The following GABRB3 variants were observed in gnomAD, a reference collection of about 807,000 sequenced individuals.
GABRB3 encodes the protein gamma-aminobutyric acid receptor subunit beta-3.
A neutral mutation model predicts 52.1 loss-of-function variants in GABRB3; 14 were observed. The observed-to-expected ratio is 0.27, with a 90% confidence interval of 0.18 to 0.42. The LOEUF is 0.42. Among genes scored for constraint, GABRB3 ranks in the 10% least tolerant of loss-of-function variants. GABRB3 has a pLI of 1.00. For synonymous variants in GABRB3, 260 were observed against 232.3 expected (o/e 1.12, Z -1.08); for missense variants, 307 against 609.1 (o/e 0.50, Z 5.22).
At chr15:26,691,741 T>G (rs896875360) in intron 3 of GABRB3, among the ~76,000 whole-genome samples, 2 of 152,102 alleles carry the variant, frequency 1.3e-5, no homozygotes, top group African/African-American at 4.8e-5. Flanking sequence ...AATTTTTGGG[T>G]CATTTCAAAA....
At chr15:26,566,535 G>C (rs1288671625) in intron 7 of GABRB3, among the ~76,000 whole-genome samples, 1 of 152,118 alleles carries the variant, frequency 6.6e-6, no homozygotes, top group African/African-American at 2.4e-5. Flanking sequence ...AGACCAGTCT[G>C]GGACACATGG....
chr15:26,606,805 T>TATAGATAGATAGATATATTGATAG (rs1555370517), intron 4 of GABRB3, among the ~76,000 whole-genome samples: 1 of 117,950 alleles, frequency 8.5e-6, no homozygotes, highest in African/African-American at 2.8e-5. Flanking sequence ...TAGATATATC[T>TATAGATAGATAGATATATTGATAG]ATAGATAGAT....
rs1214160817 is a variant in GABRB3 at position 26,613,702 on chromosome 15, C to T, written c.461+7612G>A. 3.3e-5 allele frequency: 5 copies of T among 151,990 alleles called. No individual in the cohort carries two copies. In the East Asian group the frequency reaches 9.7e-4, roughly 29 times the overall value. The allele number at this position is 151,990 out of a possible 1,614,324, so 9.4% of individuals were successfully genotyped here. On this transcript the variant is annotated intron_variant, in intron 4 of 8. Coordinates refer to ENST00000311550, the MANE Select transcript of GABRB3 (RefSeq NM_000814.6). The stretch of plus-strand genomic sequence containing the variant: ...GAGTTTATATTCTCATAGTGGCTTC[C>T]CCGTCATCATGGATGGGAATAGTGA...
intron 4 of GABRB3, among the ~76,000 whole-genome samples, chr15:26,598,351 AATGG>A (rs1486205357): frequency 6.6e-6 from 1 of 152,212 alleles, no homozygotes; most frequent in East Asian, 1.9e-4. Context: ...CCAGAAACTG[AATGG>A]ATTGGGTGGG....
At chr15:26,638,501 A>T (rs1893113652) in intron 3 of GABRB3, among the ~76,000 whole-genome samples, 1 of 152,216 alleles carries the variant, frequency 6.6e-6, no homozygotes, top group South Asian at 2.1e-4. Context: ...ACCATAGCTG[A>T]TGACACCCAT....
intron 4 of GABRB3, among the ~76,000 whole-genome samples, chr15:26,617,321 A>C (rs1892294266): frequency 6.6e-6 from 1 of 152,210 alleles, no homozygotes; most frequent in Non-Finnish European, 1.5e-5. Context: ...CCAACATGAT[A>C]AAGTGGGGTT....
At chr15:26,635,479 A>C (rs1893032760) in intron 3 of GABRB3, among the ~76,000 whole-genome samples, 1 of 152,050 alleles carries the variant, frequency 6.6e-6, no homozygotes, top group Non-Finnish European at 1.5e-5. Flanking sequence ...GTATCACTTA[A>C]AATTACTTCT....
intron 3 of GABRB3, among the ~76,000 whole-genome samples, chr15:26,670,943 C>G (rs1887880099): frequency 6.6e-6 from 1 of 152,004 alleles, no homozygotes; most frequent in Non-Finnish European, 1.5e-5. Flanking sequence ...AGTTGGAGTG[C>G]AGTGGCACAA....
chr15:26,652,146 G>A lies in GABRB3; in HGVS notation c.241-30612C>T, dbSNP rs554560063. On this transcript the variant is annotated intron_variant, in intron 3 of 8. Coordinates refer to ENST00000311550, the MANE Select transcript of GABRB3 (RefSeq NM_000814.6). The stretch of plus-strand genomic sequence containing the variant: ...AGGCATTCCTTTCCATGGACTTCAA[G>A]TCTTTAGATAATAGCTTAACTCTCA... Among the ~76,000 whole-genome samples, 25 of 152,282 alleles carry A rather than the reference G, an allele frequency of 1.6e-4. 1 individual carries two copies. The South Asian group carries it at 4.8e-3, about 29-fold the overall frequency.
chr15:26,578,797 T>C (rs903017945), intron 6 of GABRB3, among the ~76,000 whole-genome samples: 2 of 152,228 alleles, frequency 1.3e-5, no homozygotes, highest in African/African-American at 4.8e-5. Flanking sequence ...ACTCAGGGCA[T>C]GGAACACTTT....
chr15:26,664,166 C>A (rs1887632115), intron 3 of GABRB3, among the ~76,000 whole-genome samples: 1 of 152,200 alleles, frequency 6.6e-6, no homozygotes, highest in African/African-American at 2.4e-5. Flanking sequence ...CCTCAGCCTC[C>A]TGAGTAGCTG....
At chr15:26,652,107 C>T (rs1194049773) in intron 3 of GABRB3, among the ~76,000 whole-genome samples, 2 of 152,172 alleles carry the variant, frequency 1.3e-5, no homozygotes, top group Non-Finnish European at 2.9e-5. Context: ...CCCACAACCC[C>T]CTTATCTTAA....
intron 3 of GABRB3, among the ~76,000 whole-genome samples, chr15:26,655,265 C>T (rs984921177): frequency 1.3e-5 from 2 of 152,104 alleles, no homozygotes; most frequent in South Asian, 4.1e-4. Context: ...CTTTAATAAT[C>T]ACTTTATTAT....
At chr15:26,755,384 G>A (rs1257651636) in intron 3 of GABRB3, among the ~76,000 whole-genome samples, 2 of 152,124 alleles carry the variant, frequency 1.3e-5, no homozygotes, top group African/African-American at 4.8e-5. Context: ...ATTTACTGCG[G>A]AAATTAGAAT....
intron 3 of GABRB3, among the ~76,000 whole-genome samples, chr15:26,709,511 C>CT (rs1340109061): frequency 4.0e-4 from 45 of 112,548 alleles, no homozygotes; most frequent in East Asian, 1.9e-3. Flanking sequence ...TCTTTTTTTT[C>CT]TTTCTTTTTT....
intron 3 of GABRB3, among the ~76,000 whole-genome samples, chr15:26,640,766 G>A (rs554333421): frequency 1.6e-4 from 24 of 152,304 alleles, no homozygotes; most frequent in South Asian, 6.2e-4. Context: ...CAGCCACCGC[G>A]GAGATGATTA....
chr15:26,770,034 T>C lies in GABRB3; in HGVS notation c.240+2368A>G, dbSNP rs536181489. ...TCCTATGCTTATATATTTTCTGTTC[T>C]TCCCCTCTAAAACGTGAGTCCCTAA... On this transcript the variant is annotated intron_variant, in intron 3 of 8. Transcript: ENST00000311550. Among the ~76,000 whole-genome samples, 9 of 152,370 alleles carry C rather than the reference T, an allele frequency of 5.9e-5. No individual in the cohort carries two copies. The South Asian group carries it at 1.9e-3, about 32-fold the overall frequency.
intron 3 of GABRB3, among the ~76,000 whole-genome samples, chr15:26,726,731 T>G (rs920460599): frequency 6.6e-6 from 1 of 152,186 alleles, no homozygotes; most frequent in African/African-American, 2.4e-5. Flanking sequence ...GTCAGCAAGG[T>G]TAACTTTTAC....
chr15:26,544,172 T>C lies in GABRB3; in HGVS notation c.*3621A>G, dbSNP rs1567083502. The stretch of plus-strand genomic sequence containing the variant: ...TCAGGTGGAGAGTTAAAATAAGAAT[T>C]AAGTGATGGTTTATACTTTCAAGCC... On this transcript the variant is annotated 3_prime_UTR_variant, in exon 9 of 9. Transcript: ENST00000311550. 6.6e-6 allele frequency: 1 copy of C among 152,490 alleles called. No individual in the cohort carries two copies. Among genetic ancestry groups the C allele is most frequent in the African/African-American group, 2.4e-5 (1 of 41,390 alleles). 9.4% of individuals were successfully genotyped at this position (152,490 alleles called of 1,614,324 possible).
Sources: allele counts gnomAD v4.1 joint callset (sites outside exome capture counted in the v4.1 genomes callset), GRCh38; gene constraint gnomAD v4.1.1; transcripts MANE v1.5; gene names NCBI Gene and HGNC (gene_info 2026-07-23, HGNC 2026-07-21).